Variants in CTPS2 observed in about 807,000 individuals in gnomAD.
The protein encoded by CTPS2 is CTP synthase 2.
CTPS2 carries 19 observed loss-of-function variants against 46.8 expected under a neutral mutation model. The observed-to-expected ratio is 0.41, with a 90% CI of 0.28 to 0.60. The LOEUF is 0.60. CTPS2 is among the 20% of genes least tolerant of loss of function. The pLI is 0.35. For synonymous variants in CTPS2, 151 were observed against 165.2 expected, an observed-to-expected ratio of 0.91 and a Z score of 0.66; for missense variants, 286 against 447.6, an observed-to-expected ratio of 0.64 and a Z score of 3.26.
chrX:16,595,323 T>C (rs1929176635), intron 17 of CTPS2, among the ~76,000 whole-genome samples: 1 of 111,713 alleles, frequency 9.0e-6, no homozygotes, highest in Admixed American at 9.5e-5. Flanking sequence ...TTAATTTATT[T>C]ATTTAAGATA....
chrX:16,684,045 T>C (rs1922952536), intron 8 of CTPS2, among the ~76,000 whole-genome samples: 1 of 112,011 alleles, frequency 8.9e-6, no homozygotes, highest in African/African-American at 3.2e-5. Flanking sequence ...TTAGTGTTGC[T>C]TTTGTCAGGA....
At chrX:16,663,661 G>C (rs1420436202) in intron 13 of CTPS2, among the ~76,000 whole-genome samples, 1 of 110,534 alleles carries the variant, frequency 9.0e-6, no homozygotes, top group East Asian at 2.8e-4. Context: ...TGAATATCCA[G>C]CCTGGGCAAC....
chrX:16,622,666 G>A (rs771533540), intron 14 of CTPS2, among the ~76,000 whole-genome samples: 9 of 111,332 alleles, frequency 8.1e-5, no homozygotes, highest in African/African-American at 2.9e-4. Context: ...TCGTATCTTC[G>A]AGTCAAGGGG....
At chrX:16,657,715 C>A (rs1932853737) in intron 13 of CTPS2, among the ~76,000 whole-genome samples, 1 of 111,870 alleles carries the variant, frequency 8.9e-6, no homozygotes, top group African/African-American at 3.2e-5. Flanking sequence ...CTTTGTAAAT[C>A]TCTGGCTGCT....
intron 14 of CTPS2, among the ~76,000 whole-genome samples, chrX:16,632,514 C>T (rs1399848979): frequency 1.8e-5 from 2 of 109,022 alleles, no homozygotes; most frequent in East Asian, 2.9e-4. Context: ...CTCCGCCTCC[C>T]GGGTTCAAGC....
chrX:16,588,317 G>C lies in CTPS2; in HGVS notation c.*1500C>G, dbSNP rs1928719126. The C allele has an allele frequency of 8.9e-6, 1 of 112,245 alleles. No individual in the cohort carries two copies. The highest frequency in any genetic ancestry group is 1.9e-5 in the Non-Finnish European group (1 of 53,323). The allele number at this position is 112,245 out of a possible 1,213,427, so 9.3% of individuals were successfully genotyped here. A position where few individuals can be genotyped will look rare whatever the true frequency, so the allele number is the denominator to read the frequency against. On this transcript the variant is annotated 3_prime_UTR_variant, in exon 19 of 19. Transcript: ENST00000359276. Reference sequence around the variant, plus strand: ...TATTCAGCATTCCCTCCCAAGATGGGACACTCTGCAATCTTGGTTCCCTAT... The same window carrying C: ...TATTCAGCATTCCCTCCCAAGATGGCACACTCTGCAATCTTGGTTCCCTAT...
chrX:16,669,906 G>A (rs193038938), intron 11 of CTPS2, among the ~76,000 whole-genome samples: 102 of 110,204 alleles, frequency 9.3e-4, no homozygotes, highest in Admixed American at 1.9e-3. Context: ...GCCGTACTTC[G>A]CAATTTGAAA....
intron 15 of CTPS2, 83 bp downstream of exon 15, chrX:16,620,194 T>C: frequency 1.2e-6 from 1 of 803,264 alleles, no homozygotes; most frequent in Non-Finnish European, 1.8e-6. Flanking sequence ...GCTAGACACC[T>C]TTTCCAGAGG....
chrX:16,626,799 G>T (rs1602156850), intron 14 of CTPS2, among the ~76,000 whole-genome samples: 1 of 109,950 alleles, frequency 9.1e-6, no homozygotes, highest in East Asian at 2.9e-4. Context: ...GCTCCTCCAG[G>T]CACTTTTTGC....
intron 2 of CTPS2, 136 bp downstream of exon 2, chrX:16,702,601 G>T: frequency 1.9e-6 from 1 of 536,217 alleles, no homozygotes; most frequent in Non-Finnish European, 3.1e-6. Flanking sequence ...CAATGACCAT[G>T]AGAAAATTCA....
intron 9 of CTPS2, among the ~76,000 whole-genome samples, chrX:16,681,210 AT>A (rs1194614821): frequency 8.9e-6 from 1 of 111,777 alleles, no homozygotes; most frequent in Non-Finnish European, 1.9e-5. Flanking sequence ...TAATTAATTA[AT>A]TAAAAAATAA....
intron 17 of CTPS2, among the ~76,000 whole-genome samples, chrX:16,593,115 T>G (rs1355570086): frequency 1.8e-5 from 2 of 111,990 alleles, no homozygotes; most frequent in African/African-American, 3.2e-5. Context: ...GCCAAACTTT[T>G]GCTGATTTAT....
intron 4 of CTPS2, among the ~76,000 whole-genome samples, chrX:16,695,520 T>A (rs1001765739): frequency 1.3e-4 from 14 of 112,000 alleles, no homozygotes; most frequent in African/African-American, 3.9e-4. Context: ...TTAATGAAAG[T>A]CTTTTTTCTT....
intron 17 of CTPS2, among the ~76,000 whole-genome samples, chrX:16,599,476 CTTTTT>C (rs56794396): frequency 1.2e-5 from 1 of 86,210 alleles, no homozygotes; most frequent in African/African-American, 4.6e-5. Flanking sequence ...TCTTTTTTTT[CTTTTT>C]TTTTTTTTTT....
intron 13 of CTPS2, among the ~76,000 whole-genome samples, chrX:16,649,201 C>T (rs753503875): frequency 5.4e-5 from 6 of 111,788 alleles, no homozygotes; most frequent in East Asian, 2.8e-4. Flanking sequence ...CGAATGATCA[C>T]GAAATATATT....
intron 17 of CTPS2, among the ~76,000 whole-genome samples, chrX:16,602,769 T>C (rs1929739089): frequency 8.9e-6 from 1 of 112,594 alleles, no homozygotes; most frequent in African/African-American, 3.2e-5. Context: ...CTTATTTGAA[T>C]CCATTATTAC....
chrX:16,617,857 G>C (rs1300261488), intron 15 of CTPS2, among the ~76,000 whole-genome samples: 1 of 111,818 alleles, frequency 8.9e-6, no homozygotes, highest in Non-Finnish European at 1.9e-5. Flanking sequence ...TTAAGGTGGA[G>C]TCTCACCTAT....
intron 11 of CTPS2, among the ~76,000 whole-genome samples, chrX:16,668,187 G>A (rs144418240): frequency 0.037 from 3,974 of 108,459 alleles, 196 homozygotes; most frequent in African/African-American, 0.13. Context: ...ACTTGAGCCC[G>A]GGAGGCAGAG....
At chrX:16,660,892 A>G (rs1256192319) in intron 13 of CTPS2, among the ~76,000 whole-genome samples, 1 of 111,005 alleles carries the variant, frequency 9.0e-6, no homozygotes, top group East Asian at 2.8e-4. Context: ...CCCCACAGAG[A>G]CAGTATCAAA....
Sources: gnomAD v4.1 joint callset for allele counts (sites outside exome capture counted in the v4.1 genomes callset) on GRCh38, gnomAD v4.1.1 for gene constraint, MANE v1.5 for transcripts, NCBI Gene and HGNC (gene_info 2026-07-23, HGNC 2026-07-21) for gene names.